The following ZHX2 variants were observed in gnomAD, a reference collection of about 807,000 sequenced individuals.
ZHX2 encodes the protein zinc fingers and homeoboxes 2, also known as zinc fingers and homeoboxes protein 2.
Under a neutral mutation model 21.9 loss-of-function variants are expected in ZHX2, and 6 were observed. The ratio of observed to expected loss-of-function variants is 0.27; its 90% confidence interval spans 0.15 to 0.54. The LOEUF (loss-of-function observed/expected upper bound fraction) is 0.54. ZHX2 is among the 20% of genes least tolerant of loss of function. The pLI is 0.95. For synonymous variants in ZHX2, 434 were observed against 437.1 expected, an observed-to-expected ratio of 0.99 and a Z score of 0.09; for missense variants, 908 against 1,090.7, an observed-to-expected ratio of 0.83 and a Z score of 2.36.
chr8:122,900,455 A>G (rs781265113), intron 2 of ZHX2, among the ~76,000 whole-genome samples: 3 of 152,244 alleles, frequency 2.0e-5, no homozygotes, highest in East Asian at 1.9e-4. Flanking sequence ...ATCTGACCCC[A>G]TGACCCAAAC....
chr8:122,970,785 G>A (rs1036002387), intron 3 of ZHX2, among the ~76,000 whole-genome samples: 2 of 152,210 alleles, frequency 1.3e-5, no homozygotes, highest in African/African-American at 4.8e-5. Flanking sequence ...GAGGCTGGCC[G>A]TGGGCTACTG....
chr8:122,847,118 G>T (rs976939271), intron 1 of ZHX2, among the ~76,000 whole-genome samples: 5 of 152,176 alleles, frequency 3.3e-5, no homozygotes, highest in African/African-American at 4.8e-5. Context: ...ATTTCAAGTT[G>T]TGTTCCCAGA....
chr8:122,926,900 G>T (rs1429885132), intron 2 of ZHX2, among the ~76,000 whole-genome samples: 1 of 152,092 alleles, frequency 6.6e-6, no homozygotes, highest in Admixed American at 6.5e-5. Context: ...ATGACACTGA[G>T]GATGGCGTTT....
chr8:122,882,593 G>A (rs1291295943), intron 2 of ZHX2, among the ~76,000 whole-genome samples: 1 of 152,034 alleles, frequency 6.6e-6, no homozygotes, highest in African/African-American at 2.4e-5. Flanking sequence ...CTTCCTGAGC[G>A]CTCCTCAGCC....
Position 122,877,915 on chromosome 8 carries a change from CTATT to C in ZHX2, c.-220+14383_-220+14386del, listed in dbSNP as rs565420287. Among the ~76,000 whole-genome samples, 718 of 152,168 alleles carry C rather than the reference CTATT, an allele frequency of 4.7e-3. 8 individuals are homozygous for C. The highest frequency in any genetic ancestry group is 3.7e-3 in the Non-Finnish European group (255 of 68,014). ...GGAGCTTGTCTTAAACAAATATGAC[CTATT>C]TATTTAAAATATACGTTGGATTTTT... On this transcript the variant is annotated intron_variant, in intron 2 of 3. Transcript: ENST00000314393.
chr8:122,827,346 C>CT (rs1327391212), intron 1 of ZHX2, among the ~76,000 whole-genome samples: 1 of 151,838 alleles, frequency 6.6e-6, no homozygotes, highest in Non-Finnish European at 1.5e-5. Flanking sequence ...CCTACGTAAG[C>CT]TTTTTTTTAA....
chr8:122,849,352 T>A (rs1362747767), intron 1 of ZHX2, among the ~76,000 whole-genome samples: 1 of 152,218 alleles, frequency 6.6e-6, no homozygotes, highest in Non-Finnish European at 1.5e-5. Flanking sequence ...TCTCTATGCC[T>A]GGTCTTCCTC....
intron 1 of ZHX2, among the ~76,000 whole-genome samples, chr8:122,837,329 T>C (rs952316550): frequency 1.6e-4 from 24 of 152,176 alleles, no homozygotes; most frequent in Non-Finnish European, 3.2e-4. Flanking sequence ...TTCCAGTAAC[T>C]GTATTACTGA....
rs543459561 is a variant in ZHX2, at chr8:122,871,700, A to G, written c.-220+8161A>G. Reference sequence around the variant, plus strand: ...ATATATATATATATAAACCCTTTACATATAATAAATAAATTCCTTTCTCAG... The same window carrying G: ...ATATATATATATATAAACCCTTTACGTATAATAAATAAATTCCTTTCTCAG... On this transcript the variant is annotated intron_variant, in intron 2 of 3. Coordinates refer to ENST00000314393, the MANE Select transcript of ZHX2 (RefSeq NM_014943.5). Among the ~76,000 whole-genome samples, 191 of 146,546 alleles carry G rather than the reference A, an allele frequency of 1.3e-3. 1 individual carries two copies. The highest frequency in any genetic ancestry group is 2.1e-3 in the Non-Finnish European group (142 of 67,032).
intron 1 of ZHX2, among the ~76,000 whole-genome samples, chr8:122,803,629 C>T (rs546216350): frequency 1.7e-4 from 26 of 152,360 alleles, no homozygotes; most frequent in Admixed American, 4.6e-4. Flanking sequence ...GGGGACGAAA[C>T]GGTCCCAATC....
intron 1 of ZHX2, among the ~76,000 whole-genome samples, chr8:122,851,323 A>G (rs899719830): frequency 4.6e-5 from 7 of 152,164 alleles, no homozygotes; most frequent in South Asian, 4.1e-4. Context: ...AAGAGTCAAG[A>G]GTTAATTTTA....
chr8:122,823,517 TCTTA>T (rs888874784), intron 1 of ZHX2, among the ~76,000 whole-genome samples: 1 of 152,066 alleles, frequency 6.6e-6, no homozygotes, highest in Admixed American at 6.6e-5. Flanking sequence ...ACATGAAAGG[TCTTA>T]CTTTGCATTT....
chr8:122,867,687 G>A (rs1397441542), intron 2 of ZHX2, among the ~76,000 whole-genome samples: 1 of 152,130 alleles, frequency 6.6e-6, no homozygotes, highest in Non-Finnish European at 1.5e-5. Flanking sequence ...TGTAAAATGG[G>A]GAAATAATAC....
chr8:122,817,603 T>C (rs146017053), intron 1 of ZHX2, among the ~76,000 whole-genome samples: 1,580 of 152,326 alleles, frequency 0.01, 9 homozygotes, highest in Middle Eastern at 0.02. Flanking sequence ...ACTATGAACC[T>C]TGGGCAAGGC....
chr8:122,919,303 G>T (rs574286648), intron 2 of ZHX2, among the ~76,000 whole-genome samples: 1 of 152,082 alleles, frequency 6.6e-6, no homozygotes, highest in African/African-American at 2.4e-5. Context: ...ATTCATAATC[G>T]GTGCACAGTA....
intron 1 of ZHX2, among the ~76,000 whole-genome samples, chr8:122,845,547 T>C (rs1423588892): frequency 6.6e-6 from 1 of 152,232 alleles, no homozygotes; most frequent in Non-Finnish European, 1.5e-5. Context: ...TAAATATCCT[T>C]ATATCTGAAA....
intron 1 of ZHX2, among the ~76,000 whole-genome samples, chr8:122,794,175 A>C (rs1817576553): frequency 6.6e-6 from 1 of 152,202 alleles, no homozygotes; most frequent in African/African-American, 2.4e-5. Context: ...ATTCAAGAAA[A>C]GAGAGTCTGG....
chr8:122,857,207 CTT>C (rs1287854327), intron 1 of ZHX2, among the ~76,000 whole-genome samples: 1 of 152,172 alleles, frequency 6.6e-6, no homozygotes, highest in Non-Finnish European at 1.5e-5. Context: ...TCATTGAAGT[CTT>C]TAACTCTAGC....
rs1817309787 is a variant in ZHX2 at position 122,782,524 on chromosome 8, C to T, written c.-283+578C>T. 6.6e-6 allele frequency among the ~76,000 whole-genome samples: 1 copy of T among 152,106 alleles called. No homozygotes were observed. The highest frequency in any genetic ancestry group is 2.1e-4 in the South Asian group (1 of 4,830). On this transcript the variant is annotated intron_variant, in intron 1 of 3. Transcript: ENST00000314393. This position sits in a 1 kb window ranked among gnomAD's most constrained non-coding sequence, Gnocchi z 5.3. ...GCTCCCCTCCCTCCCCCTCTCCCCTCGCTCCCCTCTCCCGGTGACGATTCG... is the reference window on the plus strand; with the variant it reads ...GCTCCCCTCCCTCCCCCTCTCCCCTTGCTCCCCTCTCCCGGTGACGATTCG...
Sources: allele counts gnomAD v4.1 joint callset (sites outside exome capture counted in the v4.1 genomes callset), GRCh38; gene constraint gnomAD v4.1.1; non-coding constraint Gnocchi (gnomAD v3.1); transcripts MANE v1.5; gene names NCBI Gene and HGNC (gene_info 2026-07-23, HGNC 2026-07-21).